CPNE4: variants seen among roughly 807,000 people sequenced by gnomAD.
The protein encoded by CPNE4 is copine 4, also known as copine-4.
A neutral mutation model predicts 67.9 loss-of-function variants in CPNE4; 25 were observed. The ratio of observed to expected loss-of-function variants is 0.37; its 90% CI spans 0.27 to 0.51. The LOEUF (loss-of-function observed/expected upper bound fraction) is 0.51, where lower values mean the gene tolerates loss of function less well. Ranked by LOEUF, CPNE4 falls within the 20% of genes least tolerant of loss-of-function variation. The pLI is 0.93. For synonymous variants in CPNE4, 242 were observed against 244.9 expected (o/e 0.99, Z 0.11); for missense variants, 464 against 690.8 (o/e 0.67, Z 3.68).
intron 2 of CPNE4, among the ~76,000 whole-genome samples, chr3:131,829,987 G>C (rs2085306712): frequency 6.6e-6 from 1 of 152,124 alleles, no homozygotes; most frequent in South Asian, 2.1e-4. Context: ...AGCAAGAAGT[G>C]GTGGTCATAA....
At chr3:131,864,875 C>T (rs568263290) in intron 2 of CPNE4, among the ~76,000 whole-genome samples, 84 of 152,108 alleles carry the variant, frequency 5.5e-4, no homozygotes, top group African/African-American at 1.8e-3. Flanking sequence ...TTTTGAGATA[C>T]GTCCCATCAA....
At chr3:131,666,973 A>C (rs2080278847) in intron 7 of CPNE4, among the ~76,000 whole-genome samples, 1 of 152,226 alleles carries the variant, frequency 6.6e-6, no homozygotes, top group Non-Finnish European at 1.5e-5. Flanking sequence ...GGTGGCATTA[A>C]GGAAGTATAG....
chr3:131,885,766 T>C (rs6777619), intron 2 of CPNE4, among the ~76,000 whole-genome samples: 113,522 of 151,770 alleles, frequency 0.75, 42,828 homozygotes, highest in African/African-American at 0.83. Context: ...GTTCAATTCC[T>C]ACCTATGAGT....
upstream of CPNE4, chr3:132,037,463 A>G (rs1271003221): frequency 6.8e-6 from 6 of 885,736 alleles, no homozygotes; most frequent in African/African-American, 1.7e-5. Flanking sequence ...CTAATAATCC[A>G]TGTTTTCAAT....
At chr3:131,953,575 AT>A (rs1395729282) in intron 1 of CPNE4, among the ~76,000 whole-genome samples, 1 of 152,204 alleles carries the variant, frequency 6.6e-6, no homozygotes, top group African/African-American at 2.4e-5. Context: ...ATTTCACTTG[AT>A]TATGGTGGCG....
intron 2 of CPNE4, among the ~76,000 whole-genome samples, chr3:131,741,096 AT>A (rs1298362517): frequency 6.6e-6 from 1 of 152,028 alleles, no homozygotes; most frequent in Non-Finnish European, 1.5e-5. Flanking sequence ...TCCTATTTCC[AT>A]TTGCTGCTTT....
At chr3:131,628,209 A>G (rs2079126415) in intron 7 of CPNE4, among the ~76,000 whole-genome samples, 1 of 152,168 alleles carries the variant, frequency 6.6e-6, no homozygotes, top group Non-Finnish European at 1.5e-5. Flanking sequence ...GCAACATCCC[A>G]ACACCCTCTG....
intron 7 of CPNE4, among the ~76,000 whole-genome samples, chr3:131,653,982 C>T (rs529094921): frequency 4.2e-4 from 64 of 152,236 alleles, no homozygotes; most frequent in African/African-American, 1.2e-3. Context: ...TTAAGTTAAG[C>T]GGTGGTTCTT....
At chr3:131,872,834 A>G (rs2087276241) in intron 2 of CPNE4, among the ~76,000 whole-genome samples, 1 of 152,212 alleles carries the variant, frequency 6.6e-6, no homozygotes, top group Non-Finnish European at 1.5e-5. Flanking sequence ...CCCCCAGTTA[A>G]TATGTCACAC....
At chr3:131,635,833 G>GAACATA (rs1202552516) in intron 7 of CPNE4, among the ~76,000 whole-genome samples, 2 of 130,820 alleles carry the variant, frequency 1.5e-5, no homozygotes, top group Non-Finnish European at 1.5e-5. Flanking sequence ...ACTACTGCAG[G>GAACATA]CACTTTGGGA....
rs548977239 is a variant in CPNE4 at position 131,932,521 on chromosome 3, C to A, written c.-1-27077G>T. On this transcript the variant is annotated intron_variant, in intron 1 of 15. Coordinates refer to ENST00000429747, the MANE Select transcript of CPNE4 (RefSeq NM_130808.3). Reference sequence around the variant, plus strand: ...TATACCTACATAACTGGATAAAGGCCATGGAGAAAGGGTAAACAGCATGAT... The same window carrying A: ...TATACCTACATAACTGGATAAAGGCAATGGAGAAAGGGTAAACAGCATGAT... Among the ~76,000 whole-genome samples the A allele has an allele frequency of 2.6e-5, 4 of 151,964 alleles. No homozygotes were observed. In the East Asian group the frequency reaches 7.8e-4, roughly 30 times the overall value.
At chr3:131,789,005 GACACACAC>G (rs150450935) in intron 2 of CPNE4, among the ~76,000 whole-genome samples, 15 of 133,744 alleles carry the variant, frequency 1.1e-4, no homozygotes, top group Non-Finnish European at 1.3e-4. Flanking sequence ...AACTCAACCA[GACACACAC>G]ACACACACAC....
In CPNE4 at chr3:131,801,452, G is replaced by GTGTATATATATA. The variant is rs761978890; in HGVS notation, c.181-77828_181-77827insTATATATATACA. ...TGTGTGTGTGTGTGTGTGTGTGTGT[G>GTGTATATATATA]TATATATATATATATATATATATAT... On this transcript the variant is annotated intron_variant, in intron 2 of 15. Transcript: ENST00000429747. 3.7e-3 allele frequency among the ~76,000 whole-genome samples: 198 copies of GTGTATATATATA among 53,316 alleles called. 3 individuals are homozygous for GTGTATATATATA. The highest frequency in any genetic ancestry group is 0.012 in the South Asian group (13 of 1,084). 35.0% of individuals were successfully genotyped at this position (53,316 alleles called of 152,430 possible).
At chr3:131,985,545 G>C (rs968166722) in intron 1 of CPNE4, among the ~76,000 whole-genome samples, 3 of 152,126 alleles carry the variant, frequency 2.0e-5, no homozygotes, top group Non-Finnish European at 4.4e-5. Flanking sequence ...TGCCCAAATA[G>C]GAGTAGAAGA....
intron 2 of CPNE4, among the ~76,000 whole-genome samples, chr3:131,762,788 T>A (rs1318171869): frequency 6.6e-6 from 1 of 152,110 alleles, no homozygotes; most frequent in African/African-American, 2.4e-5. Flanking sequence ...ATCATCATTA[T>A]TTTATAGATA....
At chr3:131,595,250 C>G (rs773201385) in intron 7 of CPNE4, among the ~76,000 whole-genome samples, 2 of 152,198 alleles carry the variant, frequency 1.3e-5, no homozygotes, top group Non-Finnish European at 2.9e-5. Flanking sequence ...GCATCTTGAA[C>G]AGGATGTCTG....
At chr3:131,642,065 C>T (rs1189378865) in intron 7 of CPNE4, among the ~76,000 whole-genome samples, 1 of 151,938 alleles carries the variant, frequency 6.6e-6, no homozygotes, top group African/African-American at 2.4e-5. Flanking sequence ...GTATGCTGCT[C>T]GAGTGATGGT....
intron 2 of CPNE4, among the ~76,000 whole-genome samples, chr3:131,769,331 T>C (rs552896112): frequency 6.6e-6 from 1 of 152,264 alleles, no homozygotes; most frequent in African/African-American, 2.4e-5. Context: ...TCCCTTCCTC[T>C]GAAAAACTAT....
At chr3:131,810,106 A>G (rs1287963128) in intron 2 of CPNE4, among the ~76,000 whole-genome samples, 5 of 152,070 alleles carry the variant, frequency 3.3e-5, no homozygotes, top group Admixed American at 1.3e-4. Flanking sequence ...AAAGCTTCCA[A>G]AAGAAAATGT....
Sources: allele counts gnomAD v4.1 joint callset (sites outside exome capture counted in the v4.1 genomes callset), GRCh38; gene constraint gnomAD v4.1.1; transcripts MANE v1.5; gene names NCBI Gene and HGNC (gene_info 2026-07-23, HGNC 2026-07-21).